QTMAN: variants seen among roughly 807,000 people sequenced by gnomAD.
QTMAN encodes the protein tRNA-queuosine alpha-mannosyltransferase.
At chr2:144,251,708 C>CA in the QTMAN span, among the ~76,000 whole-genome samples, 12 of 150,634 alleles carry the variant, frequency 8.0e-5, no homozygotes, top group Non-Finnish European at 1.0e-4. Flanking sequence ...TGATCCATGA[C>CA]AAAAAAAAAG....
the QTMAN span, among the ~76,000 whole-genome samples, chr2:144,102,747 G>T: frequency 1.3e-5 from 2 of 152,218 alleles, no homozygotes; most frequent in African/African-American, 4.8e-5. Flanking sequence ...TACAAGAAAA[G>T]AGCTATATTC....
chr2:144,199,435 T>C, the QTMAN span, among the ~76,000 whole-genome samples: 1 of 152,186 alleles, frequency 6.6e-6, no homozygotes, highest in Non-Finnish European at 1.5e-5. Flanking sequence ...GAGTATATAG[T>C]ATACATACAT....
chr2:144,294,509 A>G, the QTMAN span: 2 of 152,196 alleles, frequency 1.3e-5, no homozygotes, highest in African/African-American at 4.8e-5. Flanking sequence ...CAAAAATGGT[A>G]TTCATTAAGT....
At chr2:144,161,572 C>T in the QTMAN span, among the ~76,000 whole-genome samples, 18 of 151,992 alleles carry the variant, frequency 1.2e-4, no homozygotes, top group Admixed American at 3.3e-4. Flanking sequence ...TTGAAAAAAA[C>T]GAAAGAATGA....
the QTMAN span, among the ~76,000 whole-genome samples, chr2:144,192,789 C>T: frequency 2.6e-5 from 4 of 152,144 alleles, no homozygotes; most frequent in Admixed American, 2.0e-4. Flanking sequence ...AATTACTATT[C>T]GATTCACAAT....
chr2:144,003,820 C>A, the QTMAN span, among the ~76,000 whole-genome samples: 1 of 152,070 alleles, frequency 6.6e-6, no homozygotes, highest in East Asian at 1.9e-4. Context: ...TGGCTTAGTA[C>A]GAGATATGTT....
chr2:144,177,088 A>AG, the QTMAN span: 696,550 of 696,566 alleles, frequency 1, 348,267 homozygotes, highest in Middle Eastern at 1. Context: ...ACAGCACCAA[A>AG]GGGGAAATCC....
the QTMAN span, among the ~76,000 whole-genome samples, chr2:144,264,500 C>A: frequency 6.6e-6 from 1 of 152,170 alleles, no homozygotes; most frequent in Admixed American, 6.5e-5. Context: ...AAAATTAAAA[C>A]CACATGGATC....
chr2:143,946,769 A>T, the QTMAN span: 1 of 392,130 alleles, frequency 2.6e-6, no homozygotes, highest in Non-Finnish European at 4.6e-6. Context: ...CAGGCCACAT[A>T]TTTTTTTTGA....
At chr2:144,246,339 C>T in the QTMAN span, among the ~76,000 whole-genome samples, 3 of 150,766 alleles carry the variant, frequency 2.0e-5, no homozygotes, top group East Asian at 3.9e-4. Flanking sequence ...TTTGGGAGGC[C>T]GAGGCGGGTG....
the QTMAN span, among the ~76,000 whole-genome samples, chr2:144,103,656 C>T: frequency 5.9e-5 from 9 of 151,854 alleles, no homozygotes; most frequent in African/African-American, 2.2e-4. Flanking sequence ...TAAAATAAAA[C>T]AAAATAAAAT....
the QTMAN span, among the ~76,000 whole-genome samples, chr2:144,031,228 A>G: frequency 1.2e-3 from 182 of 152,014 alleles, 2 homozygotes; most frequent in African/African-American, 4.3e-3. Context: ...CTAAGTTGCC[A>G]CCAGAATTGA....
At chr2:144,302,136 C>A in the QTMAN span, among the ~76,000 whole-genome samples, 4 of 152,120 alleles carry the variant, frequency 2.6e-5, no homozygotes, top group Non-Finnish European at 4.4e-5. Context: ...CTCATCTCCA[C>A]ACTTAGGGCA....
chr2:144,204,312 C>T, the QTMAN span, among the ~76,000 whole-genome samples: 1 of 151,952 alleles, frequency 6.6e-6, no homozygotes, highest in Non-Finnish European at 1.5e-5. Flanking sequence ...AAAAAACAAC[C>T]CCATCAACAA....
the QTMAN span, among the ~76,000 whole-genome samples, chr2:143,965,145 G>A: frequency 1.3e-5 from 2 of 151,780 alleles, no homozygotes; most frequent in Non-Finnish European, 2.9e-5. Flanking sequence ...GCATTGAGGA[G>A]CTTCTAGGCT....
the QTMAN span, among the ~76,000 whole-genome samples, chr2:144,179,961 A>G: frequency 6.6e-6 from 1 of 152,204 alleles, no homozygotes; most frequent in East Asian, 1.9e-4. Context: ...GTAAAGGTGT[A>G]TCCCTATGTT....
chr2:144,321,435 C>T, the QTMAN span, among the ~76,000 whole-genome samples: 1 of 152,190 alleles, frequency 6.6e-6, no homozygotes, highest in Non-Finnish European at 1.5e-5. Flanking sequence ...GAGGCTGAAA[C>T]ACTCATACTA....
chr2:144,159,676 G>A, the QTMAN span, among the ~76,000 whole-genome samples: 12 of 152,220 alleles, frequency 7.9e-5, no homozygotes, highest in South Asian at 2.5e-3. Context: ...TTTCATGGAG[G>A]TGGCATTTTC....
the QTMAN span, among the ~76,000 whole-genome samples, chr2:144,032,259 T>C: frequency 1.3e-5 from 2 of 152,192 alleles, no homozygotes; most frequent in Non-Finnish European, 2.9e-5. Context: ...AGTTTCCTCA[T>C]AGGCAAAATG....
Sources: gnomAD v4.1 joint callset for allele counts (sites outside exome capture counted in the v4.1 genomes callset) on GRCh38, gnomAD v4.1.1 for gene constraint, MANE v1.5 for transcripts, NCBI Gene and HGNC (gene_info 2026-07-23, HGNC 2026-07-21) for gene names.